Variants in CHIA observed in about 807,000 individuals in gnomAD.
The protein encoded by CHIA is acidic mammalian chitinase.
Under a neutral mutation model 53.5 loss-of-function variants are expected in CHIA, and 47 were observed. That is an observed-to-expected ratio of 0.88 (90% CI 0.70 to 1.12). The LOEUF is 1.12. CHIA is among the 50% of genes most tolerant of loss of function. CHIA has a pLI of 0.00. For synonymous variants in CHIA, 268 were observed against 222.2 expected (o/e 1.21, Z -1.83); for missense variants, 652 against 592.2 (o/e 1.10, Z -1.05).
chr1:111,297,028 AAG>A (rs1239263009), intron 1 of CHIA, among the ~76,000 whole-genome samples: 1 of 152,192 alleles, frequency 6.6e-6, no homozygotes, highest in African/African-American at 2.4e-5. Flanking sequence ...TTACAGAAAA[AAG>A]AGTAAAATGA....
chr1:111,317,521 T>C, intron 6 of CHIA, 160 bp from the exon 7 acceptor site: 1 of 734,126 alleles, frequency 1.4e-6, no homozygotes, highest in East Asian at 2.9e-5. Context: ...ATATTATCTA[T>C]CCGATCTACT....
chr1:111,318,562 T>G lies in CHIA; in HGVS notation c.799T>G (p.Tyr267Asp). Residue 267 changes from tyrosine (Y) to aspartate (D), a missense_variant, in exon 9 of 12, where the codon TAT becomes GAT. By Grantham distance (160) the Tyr-to-Asp change is radical (BLOSUM62 -3). Transcript: ENST00000369740. Reference sequence around the variant, plus strand: ...GAAGCTCATCGTTGGATTCCCTACCTATGGACACAACTTCATCCTGAGCAA... The same window carrying G: ...GAAGCTCATCGTTGGATTCCCTACCGATGGACACAACTTCATCCTGAGCAA... ...AEKLIVGFPT[Y>D]GHNFILSNPS... The G allele has an allele frequency of 6.2e-7, 1 of 1,614,196 alleles. No homozygotes were observed. Among genetic ancestry groups the G allele is most frequent in the Non-Finnish European group, 8.5e-7 (1 of 1,180,026 alleles).
chr1:111,315,297 G>A lies in CHIA; in HGVS notation c.342G>A (p.Glu114=). The A allele has an allele frequency of 6.2e-7, 1 of 1,612,656 alleles. No homozygotes were observed. Among genetic ancestry groups the A allele is most frequent in the East Asian group, 2.2e-5 (1 of 44,870 alleles). ...TCACTGCCATGGTTTCTACTCCTGA[G>A]AACCGCCAGACTTTCATCACCTCAG... The part of the protein sequence containing the change: ...APFTAMVSTP[E]NRQTFITSVI... The change falls in exon 6 of 12, where the codon GAG becomes GAA. Residue 114 remains glutamate (E), a synonymous_variant. Transcript: ENST00000369740.
At position 111,314,601 on chromosome 1, in the gene CHIA, GTCT is replaced by G; in HGVS notation, c.314+9_314+11del. 6.2e-7 allele frequency: 1 copy of G among 1,610,130 alleles called. No homozygotes were observed. The highest frequency in any genetic ancestry group is 8.5e-7 in the Non-Finnish European group (1 of 1,176,382). ...CTGGAACTTCGGGACTGCCCCGTAA[GTCT>G]TCTATGGAGAGCATGTTGTTCGTTT... On this transcript the variant is annotated splice_donor_region_variant and intron_variant, in intron 5 of 11. Transcript: ENST00000369740.
intron 1 of CHIA, among the ~76,000 whole-genome samples, chr1:111,297,921 A>C (rs977847070): frequency 6.7e-6 from 1 of 149,182 alleles, no homozygotes; most frequent in Non-Finnish European, 1.5e-5. Flanking sequence ...AAAAAAAAAA[A>C]AAAACAAGCA....
At position 111,317,367 on chromosome 1, in the gene CHIA, G is replaced by C. The variant is rs1401488867; in HGVS notation, c.481-314G>C. ...TGGATGTAGGGTATCACTGCAACTA[G>C]AGCTTCAAAGTATAGAGATACAATG... On this transcript the variant is annotated intron_variant, in intron 6 of 11. Coordinates refer to ENST00000369740, the MANE Select transcript of CHIA (RefSeq NM_201653.4). The C allele has an allele frequency of 3.3e-5, 8 of 245,480 alleles. No homozygotes were observed. In the East Asian group the frequency reaches 6.1e-4, roughly 19 times the overall value. The allele number at this position is 245,480 out of a possible 1,614,324, so 15.2% of individuals were successfully genotyped here.
intron 1 of CHIA, among the ~76,000 whole-genome samples, chr1:111,309,572 C>G (rs1036803958): frequency 1.5e-4 from 23 of 152,134 alleles, no homozygotes; most frequent in Admixed American, 2.6e-4. Context: ...ACATTACAGG[C>G]AAGGAGTGGA....
chr1:111,320,116 C>T, intron 11 of CHIA, 97 bp from the exon 12 acceptor site: 2 of 1,120,044 alleles, frequency 1.8e-6, no homozygotes, highest in East Asian at 4.7e-5. Flanking sequence ...CTGCACCCCA[C>T]CTCCACACTT....
At chr1:111,297,387 C>G (rs1647259169) in intron 1 of CHIA, among the ~76,000 whole-genome samples, 1 of 152,310 alleles carries the variant, frequency 6.6e-6, no homozygotes, top group African/African-American at 2.4e-5. Context: ...TCTGCAGAAA[C>G]TCTACAAGCC....
At chr1:111,317,315 A>G in intron 6 of CHIA, 2 of 200,258 alleles carry the variant, frequency 1.0e-5, no homozygotes, top group Non-Finnish European at 2.1e-5. Context: ...TAGTTCATCT[A>G]CTTTATGAAA....
At chr1:111,307,186 C>A (rs1648251970) in intron 1 of CHIA, among the ~76,000 whole-genome samples, 1 of 152,036 alleles carries the variant, frequency 6.6e-6, no homozygotes, top group Non-Finnish European at 1.5e-5. Flanking sequence ...AAGAAAAATA[C>A]TGAAAATAAA....
At chr1:111,295,622 C>T (rs956806443) in intron 1 of CHIA, among the ~76,000 whole-genome samples, 4 of 110,112 alleles carry the variant, frequency 3.6e-5, no homozygotes, top group African/African-American at 1.2e-4. Flanking sequence ...AGCTGAGGTA[C>T]CGGGTTCATC....
At position 111,297,901 on chromosome 1, in the gene CHIA, C is replaced by CAAAAAAAAAAAAAAAAAAAAAAAA. The variant is rs1188512345; in HGVS notation, c.-69+6952_-69+6975dup. Among the ~76,000 whole-genome samples, 15 of 31,844 alleles carry CAAAAAAAAAAAAAAAAAAAAAAAA rather than the reference C, an allele frequency of 4.7e-4. 1 individual carries two copies. The highest frequency in any genetic ancestry group is 7.0e-4 in the Non-Finnish European group (14 of 19,876). 20.9% of individuals were successfully genotyped at this position (31,844 alleles called of 152,430 possible). ...GAAGATCTACCAAGCAAATGGAAAG[C>CAAAAAAAAAAAAAAAAAAAAAAAA]AAAAAAAAAAAAAAAAAAAAAAAAC... On this transcript the variant is annotated intron_variant, in intron 1 of 11. Transcript: ENST00000369740.
chr1:111,315,711 G>A (rs1649103130), intron 6 of CHIA: 2 of 513,920 alleles, frequency 3.9e-6, no homozygotes, highest in Non-Finnish European at 3.8e-6. Flanking sequence ...CATACTATAA[G>A]TGTTATAATC....
At chr1:111,320,022 C>A (rs1649529070) in intron 11 of CHIA, among the ~76,000 whole-genome samples, 191 bp from the exon 12 acceptor site, 1 of 152,148 alleles carries the variant, frequency 6.6e-6, no homozygotes. Context: ...CAATTAAAAG[C>A]CAGGCTGGCT....
At chr1:111,312,648 G>A (rs945878054) in intron 4 of CHIA, among the ~76,000 whole-genome samples, 1 of 151,988 alleles carries the variant, frequency 6.6e-6, no homozygotes, top group Non-Finnish European at 1.5e-5. Flanking sequence ...TGTTTTTTGT[G>A]GTGAGAACAC....
At chr1:111,316,381 T>C (rs1347350731) in intron 6 of CHIA, 2 of 153,240 alleles carry the variant, frequency 1.3e-5, no homozygotes, top group African/African-American at 2.4e-5. Flanking sequence ...TAGGAGGTTA[T>C]TGCAGTAAAT....
chr1:111,304,280 C>A (rs1161491591), intron 1 of CHIA, among the ~76,000 whole-genome samples: 1 of 152,144 alleles, frequency 6.6e-6, no homozygotes, highest in Non-Finnish European at 1.5e-5. Context: ...TGTCTTTCAT[C>A]AAATTTGGGA....
chr1:111,319,367 T>C lies in CHIA; in HGVS notation c.1076T>C (p.Val359Ala). The C allele has an allele frequency of 6.2e-7, 1 of 1,614,200 alleles. No homozygotes were observed. The highest frequency in any genetic ancestry group is 8.5e-7 in the Non-Finnish European group (1 of 1,180,022). ...CACAACAAATTTGGAGGCGCCATGG[T>C]CTGGGCCATTGATCTGGATGACTTC... ...LKHNKFGGAM[V>A]WAIDLDDFTG... The change falls in exon 11 of 12, where the codon GTC (valine) becomes GCC (alanine). Residue 359 changes from valine to alanine, a missense_variant. Val to Ala is a moderately conservative substitution (Grantham distance 64, BLOSUM62 0). Transcript: ENST00000369740.
Sources: allele counts gnomAD v4.1 joint callset (sites outside exome capture counted in the v4.1 genomes callset), GRCh38; gene constraint gnomAD v4.1.1; transcripts MANE v1.5; gene names NCBI Gene and HGNC (gene_info 2026-07-23, HGNC 2026-07-21).